Variants in CNOT4 observed in about 807,000 individuals in gnomAD.
The protein encoded by CNOT4 is CCR4-NOT transcription complex subunit 4.
In CNOT4, 8 loss-of-function variants were observed where a neutral mutation model predicts 73.8. That is an observed-to-expected ratio of 0.11 (90% CI 0.06 to 0.20). The LOEUF is 0.20. Ranked by LOEUF, CNOT4 falls within the 10% of genes least tolerant of loss-of-function variation. The pLI is 1.00. For missense variants in CNOT4, 564 were observed against 883.4 expected, an observed-to-expected ratio of 0.64 and a Z score of 4.58; for synonymous variants, 293 against 321.1, an observed-to-expected ratio of 0.91 and a Z score of 0.94.
At chr7:135,483,021 A>G (rs1443921858) in intron 1 of CNOT4, among the ~76,000 whole-genome samples, 1 of 150,530 alleles carries the variant, frequency 6.6e-6, no homozygotes, top group Admixed American at 6.6e-5. Flanking sequence ...TAGATGAAAA[A>G]TCCTGAACAA....
intron 1 of CNOT4, among the ~76,000 whole-genome samples, chr7:135,503,488 ATGAAACAATGTAATGAC>A (rs1170640485): frequency 9.9e-5 from 15 of 152,166 alleles, no homozygotes; most frequent in African/African-American, 3.4e-4. Flanking sequence ...TCTAGTACGA[ATGAAACAATGTAATGAC>A]TAAGATTTGA....
At chr7:135,507,051 A>C (rs1032347965) in intron 1 of CNOT4, among the ~76,000 whole-genome samples, 9 of 152,138 alleles carry the variant, frequency 5.9e-5, no homozygotes, top group African/African-American at 2.2e-4. Context: ...AGCACACAAA[A>C]TCATTTTTAA....
chr7:135,451,264 A>T (rs1311138268), intron 1 of CNOT4, among the ~76,000 whole-genome samples: 2 of 152,212 alleles, frequency 1.3e-5, no homozygotes, highest in African/African-American at 4.8e-5. Context: ...AAAGAAAACT[A>T]ATTGCAGGTA....
intron 1 of CNOT4, among the ~76,000 whole-genome samples, chr7:135,466,219 T>G (rs1801208742): frequency 6.6e-6 from 1 of 152,046 alleles, no homozygotes. Flanking sequence ...TGGTGGCTCA[T>G]GCCTGTAATC....
intron 10 of CNOT4, among the ~76,000 whole-genome samples, chr7:135,365,637 C>T (rs1563007098): frequency 6.6e-6 from 1 of 152,126 alleles, no homozygotes; most frequent in African/African-American, 2.4e-5. Context: ...TCTCGATCTA[C>T]TCTGTACAGA....
intron 1 of CNOT4, among the ~76,000 whole-genome samples, chr7:135,442,916 A>T (rs1396258075): frequency 6.6e-6 from 1 of 151,922 alleles, no homozygotes; most frequent in Non-Finnish European, 1.5e-5. Context: ...AAAATTAGCC[A>T]AGTATGGTGT....
chr7:135,416,741 T>C (rs1249709301), intron 3 of CNOT4, among the ~76,000 whole-genome samples: 1 of 152,152 alleles, frequency 6.6e-6, no homozygotes, highest in Non-Finnish European at 1.5e-5. Context: ...TAGTTCTCAA[T>C]GAGGGAAGCA....
chr7:135,501,813 T>C (rs1288449717), intron 1 of CNOT4, among the ~76,000 whole-genome samples: 1 of 152,188 alleles, frequency 6.6e-6, no homozygotes, highest in Non-Finnish European at 1.5e-5. Flanking sequence ...TCTCACATCA[T>C]GCTAGCCCCT....
intron 10 of CNOT4, chr7:135,388,290 A>G (rs1246011180): frequency 1.0e-6 from 1 of 985,152 alleles, no homozygotes; most frequent in African/African-American, 1.7e-5. Context: ...AACAATCGCC[A>G]ACAATATCCT....
chr7:135,481,269 G>A (rs983596884), intron 1 of CNOT4, among the ~76,000 whole-genome samples: 1 of 151,376 alleles, frequency 6.6e-6, no homozygotes, highest in Non-Finnish European at 1.5e-5. Context: ...TTAAAAAGTG[G>A]GCAAAGGACA....
At chr7:135,431,644 G>A (rs1585633161) in intron 2 of CNOT4, among the ~76,000 whole-genome samples, 1 of 151,982 alleles carries the variant, frequency 6.6e-6, no homozygotes, top group Admixed American at 6.6e-5. Context: ...TCCAGAGGCT[G>A]AGGCAGGAGA....
chr7:135,473,172 T>C (rs1563071102), intron 1 of CNOT4, among the ~76,000 whole-genome samples: 1 of 152,200 alleles, frequency 6.6e-6, no homozygotes, highest in African/African-American at 2.4e-5. Context: ...GAAAGTGTCA[T>C]AAATGGGAAA....
At chr7:135,501,385 T>G (rs1803955140) in intron 1 of CNOT4, among the ~76,000 whole-genome samples, 1 of 152,116 alleles carries the variant, frequency 6.6e-6, no homozygotes, top group Non-Finnish European at 1.5e-5. Flanking sequence ...CAAAGACAAA[T>G]AGACCACATT....
chr7:135,394,865 C>G (rs116660053), intron 9 of CNOT4, among the ~76,000 whole-genome samples: 180 of 151,938 alleles, frequency 1.2e-3, no homozygotes, highest in African/African-American at 4.2e-3. Context: ...TATATTAATC[C>G]TCATAGTTTT....
intron 2 of CNOT4, among the ~76,000 whole-genome samples, chr7:135,434,524 T>TA (rs1799035814): frequency 1.3e-5 from 2 of 152,234 alleles, no homozygotes; most frequent in Non-Finnish European, 2.9e-5. Flanking sequence ...GAGGTTGTCT[T>TA]AGACCTCTGT....
At chr7:135,417,204 G>A (rs768644901) in intron 3 of CNOT4, among the ~76,000 whole-genome samples, 1 of 152,050 alleles carries the variant, frequency 6.6e-6, no homozygotes, top group Non-Finnish European at 1.5e-5. Context: ...ATTCTTCAAT[G>A]ATCTAGTTAA....
chr7:135,508,728 C>A (rs778022410), intron 1 of CNOT4, among the ~76,000 whole-genome samples: 4 of 152,092 alleles, frequency 2.6e-5, no homozygotes, highest in Non-Finnish European at 5.9e-5. Context: ...AATACAGAAC[C>A]CACACATAAC....
intron 1 of CNOT4, among the ~76,000 whole-genome samples, chr7:135,496,128 C>T (rs1291624045): frequency 1.3e-5 from 2 of 151,588 alleles, no homozygotes; most frequent in Non-Finnish European, 2.9e-5. Flanking sequence ...GGTCTCACTC[C>T]GTCACCCAGG....
At chr7:135,484,754 CAAA>C (rs775810753) in intron 1 of CNOT4, among the ~76,000 whole-genome samples, 4 of 77,918 alleles carry the variant, frequency 5.1e-5, no homozygotes, top group Non-Finnish European at 5.3e-5. Context: ...GACTCTGTCT[CAAA>C]AAAAAAAAAA....
Sources: gnomAD v4.1 joint callset for allele counts (sites outside exome capture counted in the v4.1 genomes callset) on GRCh38, gnomAD v4.1.1 for gene constraint, MANE v1.5 for transcripts, NCBI Gene and HGNC (gene_info 2026-07-23, HGNC 2026-07-21) for gene names.